Variants in TYW1 observed in about 807,000 individuals in gnomAD.
TYW1 encodes the protein S-adenosyl-L-methionine-dependent tRNA 4-demethylwyosine synthase TYW1.
TYW1 carries 46 observed loss-of-function variants against 96.2 expected under a neutral mutation model. That is an observed-to-expected ratio of 0.48 (90% CI 0.38 to 0.61). TYW1 has a LOEUF of 0.61. Ranked by LOEUF, TYW1 falls within the 20% of genes least tolerant of loss-of-function variation. The probability of loss-of-function intolerance (pLI) is 0.00; values close to 1 mark genes in which losing one functional copy is unlikely to be tolerated. For synonymous variants in TYW1, 274 were observed against 323.0 expected (o/e 0.85, Z 1.63); for missense variants, 684 against 909.6 (o/e 0.75, Z 3.19).
rs529916036 is a variant in TYW1, at chr7:67,137,862, G to A, written c.1698+20244G>A. Among the ~76,000 whole-genome samples the A allele has an allele frequency of 5.9e-5, 9 of 152,310 alleles. No individual in the cohort carries two copies. In the South Asian group the frequency reaches 1.9e-3, roughly 32 times the overall value. ...TGCTTAGTAAGTGTTTCTCTAAGGA[G>A]ACATCACAGCCACTGCCGAAAACAA... On this transcript the variant is annotated intron_variant, in intron 13 of 15. Coordinates refer to ENST00000359626, the MANE Select transcript of TYW1 (RefSeq NM_018264.4).
chr7:67,056,118 A>G (rs1191360313), intron 9 of TYW1, among the ~76,000 whole-genome samples: 1 of 152,152 alleles, frequency 6.6e-6, no homozygotes. Flanking sequence ...TATTGTGCCC[A>G]TTTCTAGTCA....
At chr7:67,075,908 C>G (rs1796188108) in intron 10 of TYW1, among the ~76,000 whole-genome samples, 1 of 152,166 alleles carries the variant, frequency 6.6e-6, no homozygotes, top group African/African-American at 2.4e-5. Flanking sequence ...AAAATTTATT[C>G]AAAGACCTGT....
intron 9 of TYW1, among the ~76,000 whole-genome samples, chr7:67,062,566 C>CAAAAAA (rs56770876): frequency 6.7e-5 from 6 of 89,164 alleles, no homozygotes; most frequent in East Asian, 3.4e-4. Flanking sequence ...GACTCCGTCT[C>CAAAAAA]AAAAAAAAAA....
chr7:67,199,880 C>T (rs1183902212), intron 15 of TYW1, among the ~76,000 whole-genome samples: 1 of 150,774 alleles, frequency 6.6e-6, no homozygotes, highest in African/African-American at 2.4e-5. Flanking sequence ...CCAGCCTGGG[C>T]GACAGAGCGA....
At chr7:67,080,560 T>C (rs1796352441) in intron 10 of TYW1, among the ~76,000 whole-genome samples, 1 of 151,988 alleles carries the variant, frequency 6.6e-6, no homozygotes, top group Admixed American at 6.6e-5. Flanking sequence ...CCACCACACC[T>C]GGCTAATTTT....
In TYW1 at chr7:67,014,451, T is replaced by C. The variant is rs1199444676; in HGVS notation, c.460T>C (p.Trp154Arg). The C allele has an allele frequency of 1.9e-6, 3 of 1,613,808 alleles. No homozygotes were observed. The highest frequency in any genetic ancestry group is 2.5e-6 in the Non-Finnish European group (3 of 1,179,878). The part of the protein sequence containing the change: ...PTESAEWFCK[W>R]LEEASIDFRF... ...TGAAAGTGCAGAGTGGTTCTGCAAATGGTTAGAGGAAGCATCCATTGATTT... is the reference window on the plus strand; with the variant it reads ...TGAAAGTGCAGAGTGGTTCTGCAAACGGTTAGAGGAAGCATCCATTGATTT... The change falls in exon 5 of 16, where the codon TGG (tryptophan) becomes CGG (arginine). Residue 154 changes from tryptophan (W) to arginine (R), a missense_variant. Coordinates refer to ENST00000359626, the MANE Select transcript of TYW1 (RefSeq NM_018264.4).
intron 13 of TYW1, among the ~76,000 whole-genome samples, chr7:67,152,653 G>T (rs60226909): frequency 0.038 from 5,803 of 152,190 alleles, 305 homozygotes; most frequent in East Asian, 0.16. Flanking sequence ...CCAGGCTAGA[G>T]TGCAGTGGCA....
intron 15 of TYW1, among the ~76,000 whole-genome samples, chr7:67,205,216 T>A (rs1263447649): frequency 6.6e-6 from 1 of 152,166 alleles, no homozygotes; most frequent in East Asian, 1.9e-4. Flanking sequence ...AAAGTCCATT[T>A]CCCCCCTCAG....
At position 67,017,947 on chromosome 7, in the gene TYW1, A is replaced by T; in HGVS notation, c.665A>T (p.His222Leu). 6.2e-7 allele frequency: 1 copy of T among 1,614,158 alleles called. No individual in the cohort carries two copies. The highest frequency in any genetic ancestry group is 8.5e-7 in the Non-Finnish European group (1 of 1,180,030). ...GACTGCGACGTGGTTAAAAGCAAGC[A>T]CGGCAGCATTGAGGCCGACTTCAGA... ...EGDCDVVKSK[H>L]GSIEADFRAW... The change falls in exon 6 of 16, where the codon CAC becomes CTC. Residue 222 changes from histidine (H) to leucine (L), a missense_variant. Coordinates refer to ENST00000359626, the MANE Select transcript of TYW1 (RefSeq NM_018264.4).
intron 4 of TYW1, among the ~76,000 whole-genome samples, chr7:67,013,978 T>A (rs1479614939): frequency 2.0e-5 from 3 of 151,830 alleles, no homozygotes; most frequent in East Asian, 3.9e-4. Context: ...CTCCTGACAT[T>A]GTGATCCGCC....
intron 12 of TYW1, among the ~76,000 whole-genome samples, chr7:67,113,651 T>C (rs1256008472): frequency 6.6e-6 from 1 of 151,750 alleles, no homozygotes. Flanking sequence ...CTTTCTTTTT[T>C]TTTTTGATGT....
chr7:67,138,617 C>T (rs1234135640), intron 13 of TYW1, among the ~76,000 whole-genome samples: 1 of 152,044 alleles, frequency 6.6e-6, no homozygotes, highest in African/African-American at 2.4e-5. Flanking sequence ...CACCTTCCTC[C>T]CAACACCCCC....
intron 13 of TYW1, among the ~76,000 whole-genome samples, chr7:67,173,781 T>C (rs1799583836): frequency 6.8e-6 from 1 of 147,230 alleles, no homozygotes; most frequent in East Asian, 1.9e-4. Context: ...TTTGTAGATA[T>C]CCTTATTAAG....
At chr7:67,097,079 G>C (rs1796943698) in intron 11 of TYW1, among the ~76,000 whole-genome samples, 1 of 151,908 alleles carries the variant, frequency 6.6e-6, no homozygotes, top group South Asian at 2.1e-4. Context: ...CTAGGATTCA[G>C]AACGAGTGGT....
At chr7:66,998,297 T>TAA in intron 2 of TYW1, 102 bp downstream of exon 2, 1 of 1,423,852 alleles carries the variant, frequency 7.0e-7, no homozygotes, top group Admixed American at 2.7e-5. Context: ...TGTTTGGTCT[T>TAA]TAGACATTTT....
chr7:67,182,597 C>G (rs967415409), intron 13 of TYW1, among the ~76,000 whole-genome samples: 1 of 152,054 alleles, frequency 6.6e-6, no homozygotes, highest in Middle Eastern at 3.2e-3. Context: ...GCCAGTCCCT[C>G]TTGTGGTTAT....
At chr7:67,022,264 C>G (rs1452756021) in intron 6 of TYW1, among the ~76,000 whole-genome samples, 1 of 152,110 alleles carries the variant, frequency 6.6e-6, no homozygotes, top group Non-Finnish European at 1.5e-5. Flanking sequence ...CATGTTCATT[C>G]ATTTATGTAT....
chr7:67,066,032 C>CA (rs57676180), intron 9 of TYW1, among the ~76,000 whole-genome samples: 26,934 of 95,562 alleles, frequency 0.28, 2,646 homozygotes, highest in African/African-American at 0.44. Context: ...CACACACACA[C>CA]CCACACCCCT....
At chr7:67,237,386 G>C (rs1244688376) in intron 15 of TYW1, among the ~76,000 whole-genome samples, 1 of 151,854 alleles carries the variant, frequency 6.6e-6, no homozygotes, top group Non-Finnish European at 1.5e-5. Context: ...AGTAGTCCCA[G>C]CTACTCGGGA....
Sources: allele counts gnomAD v4.1 joint callset (sites outside exome capture counted in the v4.1 genomes callset), GRCh38; gene constraint gnomAD v4.1.1; transcripts MANE v1.5; gene names NCBI Gene and HGNC (gene_info 2026-07-23, HGNC 2026-07-21).